HSD17B6: variants seen among roughly 807,000 people sequenced by gnomAD.
The protein encoded by HSD17B6 is 17-beta-hydroxysteroid dehydrogenase type 6.
In HSD17B6, 16 loss-of-function variants were observed where a neutral mutation model predicts 26.4. The ratio of observed to expected loss-of-function variants is 0.61; its 90% CI spans 0.41 to 0.92. HSD17B6 has a LOEUF of 0.92. Among genes scored for constraint, HSD17B6 ranks in the 40% least tolerant of loss-of-function variants. HSD17B6 has a pLI of 0.00. For synonymous variants in HSD17B6, 139 were observed against 153.0 expected, an observed-to-expected ratio of 0.91 and a Z score of 0.68; for missense variants, 357 against 386.1, an observed-to-expected ratio of 0.92 and a Z score of 0.63.
intron 4 of HSD17B6, 147 bp from the exon 5 acceptor site, chr12:56,786,978 C>T: frequency 1.7e-6 from 1 of 603,296 alleles, no homozygotes; most frequent in Non-Finnish European, 2.9e-6. Context: ...TCAATAGCTA[C>T]ATGTGGCTAG....
chr12:56,778,517 T>G (rs1318991958), intron 2 of HSD17B6, among the ~76,000 whole-genome samples: 1 of 151,880 alleles, frequency 6.6e-6, no homozygotes, highest in African/African-American at 2.4e-5. Context: ...CCTCAGGTGA[T>G]CCGCCCGCCT....
chr12:56,784,985 G>C lies in HSD17B6; in HGVS notation c.705G>C (p.Lys235Asn). The C allele has an allele frequency of 1.2e-6, 2 of 1,613,944 alleles. No homozygotes were observed. The highest frequency in any genetic ancestry group is 1.7e-6 in the Non-Finnish European group (2 of 1,179,990). Residue 235 changes from lysine (K) to asparagine (N), a missense_variant, in exon 4 of 5, where the codon AAG becomes AAC. Physicochemically the swap from Lys to Asn is moderately conservative, Grantham distance 94 (BLOSUM62 0). Transcript: ENST00000322165. ...QSWKEAPKHI[K>N]ETYGQQYFDA... The stretch of plus-strand genomic sequence containing the variant: ...GGAAAGAAGCCCCCAAGCATATTAA[G>C]GAGACCTATGGACAGCAGTATTTTG...
chr12:56,784,741 C>A, intron 3 of HSD17B6, 112 bp from the exon 4 acceptor site: 1 of 1,123,184 alleles, frequency 8.9e-7, no homozygotes, highest in Non-Finnish European at 1.3e-6. Flanking sequence ...TTTCTTTATT[C>A]TTTAAAATAT....
intron 2 of HSD17B6, among the ~76,000 whole-genome samples, chr12:56,781,462 C>A (rs138294978): frequency 3.3e-3 from 496 of 152,066 alleles, no homozygotes; most frequent in Non-Finnish European, 5.1e-3. Flanking sequence ...TCTGCTTGAT[C>A]AATTTTATAG....
intron 2 of HSD17B6, among the ~76,000 whole-genome samples, chr12:56,775,058 A>G (rs1392942539): frequency 6.6e-6 from 1 of 152,234 alleles, no homozygotes; most frequent in Non-Finnish European, 1.5e-5. Flanking sequence ...GATTGAATCC[A>G]TGGATATGAA....
At chr12:56,773,789 G>A in intron 1 of HSD17B6, 45 bp from the exon 2 acceptor site, 1 of 1,486,412 alleles carries the variant, frequency 6.7e-7, no homozygotes, top group Non-Finnish European at 9.0e-7. Flanking sequence ...AGATATATTG[G>A]TTAAATAATA....
intron 3 of HSD17B6, among the ~76,000 whole-genome samples, chr12:56,783,545 ACCCC>A (rs1280436272): frequency 1.3e-5 from 1 of 75,672 alleles, no homozygotes; most frequent in African/African-American, 5.2e-5. Flanking sequence ...GGGGGGCTGA[ACCCC>A]CCCCACCTCC....
chr12:56,787,218 C>G lies in HSD17B6; in HGVS notation c.830C>G (p.Pro277Arg). ...CMEHALTSVH[P>R]RTRYSAGWDA... ...GAACATGCTCTGACATCGGTGCATC[C>G]GCGAACTCGATATTCAGCTGGCTGG... Residue 277 changes from proline to arginine, a missense_variant, in exon 5 of 5, where the codon CCG becomes CGG. By Grantham distance (103) the Pro-to-Arg change is moderately radical (BLOSUM62 -2). Coordinates refer to ENST00000322165, the MANE Select transcript of HSD17B6 (RefSeq NM_003725.4). The G allele has an allele frequency of 6.2e-7, 1 of 1,614,072 alleles. No individual in the cohort carries two copies. The highest frequency in any genetic ancestry group is 1.1e-5 in the South Asian group (1 of 91,082).
At chr12:56,784,782 T>G in intron 3 of HSD17B6, 71 bp from the exon 4 acceptor site, 1 of 1,467,348 alleles carries the variant, frequency 6.8e-7, no homozygotes. Flanking sequence ...TCTTTTTTGT[T>G]TTGCTTTTCC....
intron 3 of HSD17B6, among the ~76,000 whole-genome samples, chr12:56,784,249 G>T (rs1954821309): frequency 6.6e-6 from 1 of 152,120 alleles, no homozygotes; most frequent in Non-Finnish European, 1.5e-5. Context: ...GCCAGGCAGA[G>T]ACGCTCCTCA....
intron 3 of HSD17B6, among the ~76,000 whole-genome samples, chr12:56,783,648 C>G (rs1259239269): frequency 5.0e-5 from 6 of 119,826 alleles, no homozygotes; most frequent in Non-Finnish European, 8.9e-5. Flanking sequence ...GGCTGACCCC[C>G]CCCACCTCCC....
At chr12:56,785,937 T>C (rs1954864059) in intron 4 of HSD17B6, 1 of 985,096 alleles carries the variant, frequency 1.0e-6, no homozygotes, top group Admixed American at 6.2e-5. Flanking sequence ...ATTTGTCAAT[T>C]TCCTATAAGA....
chr12:56,767,229 A>G (rs567594445), intron 1 of HSD17B6, among the ~76,000 whole-genome samples: 1 of 152,016 alleles, frequency 6.6e-6, no homozygotes, highest in East Asian at 1.9e-4. Flanking sequence ...AATTGCATAC[A>G]CTGCCAGGCG....
At chr12:56,779,793 C>T (rs1954672767) in intron 2 of HSD17B6, among the ~76,000 whole-genome samples, 1 of 127,830 alleles carries the variant, frequency 7.8e-6, no homozygotes, top group Non-Finnish European at 1.6e-5. Context: ...GATTTATCCT[C>T]TTTTTACCTT....
At chr12:56,767,138 ACT>A (rs1399984207) in intron 1 of HSD17B6, among the ~76,000 whole-genome samples, 2 of 151,750 alleles carry the variant, frequency 1.3e-5, no homozygotes, top group African/African-American at 4.8e-5. Context: ...TCTACTATTC[ACT>A]CTGTTTCACC....
At chr12:56,767,741 TTATA>T (rs1954371098) in intron 1 of HSD17B6, among the ~76,000 whole-genome samples, 1 of 145,582 alleles carries the variant, frequency 6.9e-6, no homozygotes, top group South Asian at 2.1e-4. Flanking sequence ...TATATATGTA[TTATA>T]TATACGTATA....
chr12:56,777,416 G>A (rs927872336), intron 2 of HSD17B6, among the ~76,000 whole-genome samples: 4 of 146,380 alleles, frequency 2.7e-5, no homozygotes, highest in Non-Finnish European at 4.4e-5. Context: ...CCCGGCTGGC[G>A]TGCAACGGCA....
At chr12:56,782,660 AT>A (rs62818963) in intron 3 of HSD17B6, among the ~76,000 whole-genome samples, 32,975 of 133,090 alleles carry the variant, frequency 0.25, 3,797 homozygotes, top group Middle Eastern at 0.32. Flanking sequence ...TGCCCAGCTA[AT>A]TTTTTTTTTT....
chr12:56,780,017 G>A (rs1403279702), intron 2 of HSD17B6, among the ~76,000 whole-genome samples: 1 of 152,094 alleles, frequency 6.6e-6, no homozygotes, highest in Non-Finnish European at 1.5e-5. Flanking sequence ...TTGGCACATT[G>A]AAGACACCAT....
Sources: gnomAD v4.1 joint callset for allele counts (sites outside exome capture counted in the v4.1 genomes callset) on GRCh38, gnomAD v4.1.1 for gene constraint, MANE v1.5 for transcripts, NCBI Gene and HGNC (gene_info 2026-07-23, HGNC 2026-07-21) for gene names.